The following SLC25A21 variants were observed in gnomAD, a reference collection of about 807,000 sequenced individuals.
SLC25A21 encodes mitochondrial 2-oxodicarboxylate carrier.
SLC25A21 carries 47 observed loss-of-function variants against 43.8 expected under a neutral mutation model. That is an observed-to-expected ratio of 1.07 (90% confidence interval 0.85 to 1.37). The LOEUF (loss-of-function observed/expected upper bound fraction) is 1.37, where lower values mean the gene tolerates loss of function less well. Among genes scored for constraint, SLC25A21 ranks in the 40% most tolerant of loss-of-function variants. The pLI is 0.00. For synonymous variants in SLC25A21, 131 were observed against 121.3 expected (o/e 1.08, Z -0.52); for missense variants, 352 against 350.2 (o/e 1.00, Z -0.04).
Position 36,678,237 on chromosome 14 carries a change from C to T in SLC25A21, c.*2421G>A. Reference sequence around the variant, plus strand: ...GGCTAGATTAGTTAGGTTTTCAAATCACTAGGATGTAAACAGTAAGCAGAT... The same window carrying T: ...GGCTAGATTAGTTAGGTTTTCAAATTACTAGGATGTAAACAGTAAGCAGAT... On this transcript the variant is annotated 3_prime_UTR_variant, in exon 10 of 10. Transcript: ENST00000331299. 1 of 529,748 alleles carries T rather than the reference C, an allele frequency of 1.9e-6. No individual in the cohort carries two copies. Among genetic ancestry groups the T allele is most frequent in the Non-Finnish European group, 3.4e-6 (1 of 296,662 alleles). 32.8% of individuals were successfully genotyped at this position (529,748 alleles called of 1,614,324 possible). A position where few individuals can be genotyped will look rare whatever the true frequency, so the allele number is the denominator to read the frequency against.
intron 1 of SLC25A21, among the ~76,000 whole-genome samples, chr14:36,934,069 T>A (rs969262801): frequency 6.6e-6 from 1 of 152,102 alleles, no homozygotes; most frequent in Non-Finnish European, 1.5e-5. Context: ...TAGAAAAAAA[T>A]ATCAAAATTT....
chr14:36,815,010 T>A (rs1315102004), intron 2 of SLC25A21, among the ~76,000 whole-genome samples: 1 of 152,196 alleles, frequency 6.6e-6, no homozygotes, highest in Non-Finnish European at 1.5e-5. Context: ...TGAGTTCACG[T>A]CCTTTGCAGG....
chr14:36,929,128 A>G (rs560354306), intron 1 of SLC25A21, among the ~76,000 whole-genome samples: 42 of 152,238 alleles, frequency 2.8e-4, no homozygotes, highest in African/African-American at 9.9e-4. Context: ...ACCATGTAAG[A>G]CCTCCATAAA....
intron 6 of SLC25A21, among the ~76,000 whole-genome samples, chr14:36,723,055 A>G (rs1273261719): frequency 1.3e-5 from 2 of 152,238 alleles, no homozygotes; most frequent in African/African-American, 4.8e-5. Flanking sequence ...GCACAGGTTA[A>G]CTAAAGGTTA....
intron 1 of SLC25A21, among the ~76,000 whole-genome samples, chr14:37,121,931 T>C (rs552356792): frequency 2.4e-4 from 37 of 151,606 alleles, no homozygotes; most frequent in African/African-American, 8.5e-4. Context: ...GAGTCCTTCA[T>C]CAAGTGTCCC....
chr14:36,786,943 T>C (rs1887274716), intron 3 of SLC25A21, among the ~76,000 whole-genome samples: 3 of 152,302 alleles, frequency 2.0e-5, no homozygotes, highest in Middle Eastern at 6.8e-3. Flanking sequence ...CTGGCAATTA[T>C]GAGCCTGTGG....
chr14:37,097,378 A>G (rs1328865683), intron 1 of SLC25A21, among the ~76,000 whole-genome samples: 3 of 152,078 alleles, frequency 2.0e-5, no homozygotes, highest in African/African-American at 7.2e-5. Flanking sequence ...TGGGATTACA[A>G]TGTGAGCCAC....
At position 36,680,391 on chromosome 14, in the gene SLC25A21, T is replaced by C; in HGVS notation, c.*267A>G. ...GTTTCTATTTATTTTATGAAATAAATATATGATTTCTATGCTATTTTTCTA... is the reference window on the plus strand; with the variant it reads ...GTTTCTATTTATTTTATGAAATAAACATATGATTTCTATGCTATTTTTCTA... On this transcript the variant is annotated 3_prime_UTR_variant, in exon 10 of 10. Coordinates refer to ENST00000331299, the MANE Select transcript of SLC25A21 (RefSeq NM_030631.4). The C allele has an allele frequency of 9.3e-7, 1 of 1,078,314 alleles. No individual in the cohort carries two copies. The highest frequency in any genetic ancestry group is 1.1e-6 in the Non-Finnish European group (1 of 884,526). 66.8% of individuals were successfully genotyped at this position (1,078,314 alleles called of 1,614,324 possible).
chr14:37,118,921 G>C lies in SLC25A21; in HGVS notation c.70+53360C>G, dbSNP rs531876273. Among the ~76,000 whole-genome samples the C allele has an allele frequency of 2.0e-5, 3 of 152,064 alleles. No homozygotes were observed. The South Asian group carries it at 6.2e-4, about 32-fold the overall frequency. On this transcript the variant is annotated intron_variant, in intron 1 of 9. Coordinates refer to ENST00000331299, the MANE Select transcript of SLC25A21 (RefSeq NM_030631.4). ...ATTCCCAGGAGGTTAGGCATTCTAA[G>C]TCACAGGATGAGATACAAGCTTAGC...
chr14:36,810,890 G>A (rs1470722281), intron 3 of SLC25A21, among the ~76,000 whole-genome samples: 1 of 94,702 alleles, frequency 1.1e-5, no homozygotes, highest in Non-Finnish European at 2.5e-5. Flanking sequence ...GAAAAGAGTG[G>A]GGGAAATAAT....
intron 2 of SLC25A21, among the ~76,000 whole-genome samples, chr14:36,846,149 C>G (rs1298465079): frequency 2.0e-5 from 3 of 152,122 alleles, no homozygotes. Flanking sequence ...ACTTAGTGAA[C>G]TTTCTAGAAG....
chr14:37,012,885 T>C (rs999382774), intron 1 of SLC25A21, among the ~76,000 whole-genome samples: 3 of 152,154 alleles, frequency 2.0e-5, no homozygotes, highest in African/African-American at 7.2e-5. Context: ...ACTGATTTGA[T>C]CATAAATAGT....
In SLC25A21 at chr14:36,679,783, T is replaced by C. The variant is rs1315609821; in HGVS notation, c.*875A>G. On this transcript the variant is annotated 3_prime_UTR_variant, in exon 10 of 10. Coordinates refer to ENST00000331299, the MANE Select transcript of SLC25A21 (RefSeq NM_030631.4). ...AAAGGTATTTGGATGCAAATACTGA[T>C]GGCTGACAAATGGGTCCAAAGGTGT... The C allele has an allele frequency of 5.1e-6, 5 of 985,200 alleles. No individual in the cohort carries two copies. Among genetic ancestry groups the C allele is most frequent in the Middle Eastern group, 5.2e-4 (1 of 1,936 alleles). The allele number at this position is 985,200 out of a possible 1,614,324, so 61.0% of individuals were successfully genotyped here.
rs529152368 is a variant in SLC25A21, at chr14:36,695,519, G to A, written c.604-10594C>T. On this transcript the variant is annotated intron_variant, in intron 7 of 9. Transcript: ENST00000331299. ...CTTTGGGCAGTATGGCCATTTTCAC[G>A]ATATTGATTCTTCCTATCCATGAGC... Among the ~76,000 whole-genome samples the A allele has an allele frequency of 2.3e-3, 353 of 152,234 alleles. 3 individuals carry two copies. The highest frequency in any genetic ancestry group is 7.9e-3 in the African/African-American group (329 of 41,522).
At chr14:36,903,376 C>G (rs561829010) in intron 1 of SLC25A21, among the ~76,000 whole-genome samples, 1 of 151,952 alleles carries the variant, frequency 6.6e-6, no homozygotes, top group Admixed American at 6.6e-5. Flanking sequence ...CTTTGGGAGG[C>G]CAAGGTGGGT....
At chr14:37,032,624 T>A (rs1015618278) in intron 1 of SLC25A21, among the ~76,000 whole-genome samples, 7 of 138,854 alleles carry the variant, frequency 5.0e-5, no homozygotes, top group Non-Finnish European at 7.5e-5. Flanking sequence ...TGAGCCAAGA[T>A]CATGCCAGTG....
At chr14:36,879,424 C>G (rs1890642890) in intron 1 of SLC25A21, among the ~76,000 whole-genome samples, 1 of 152,006 alleles carries the variant, frequency 6.6e-6, no homozygotes, top group Non-Finnish European at 1.5e-5. Context: ...ATTAGAAAAG[C>G]CCCAAAGCAG....
At chr14:36,684,165 T>G (rs1882422010) in intron 8 of SLC25A21, among the ~76,000 whole-genome samples, 1 of 152,194 alleles carries the variant, frequency 6.6e-6, no homozygotes, top group Non-Finnish European at 1.5e-5. Context: ...TCAAGACAGC[T>G]GTGTATATGG....
chr14:36,792,206 G>A (rs848098), intron 3 of SLC25A21, among the ~76,000 whole-genome samples: 3 of 151,906 alleles, frequency 2.0e-5, no homozygotes, highest in Non-Finnish European at 4.4e-5. Context: ...TGTGTCCCAC[G>A]CTAGTCCTAA....
Sources: gnomAD v4.1 joint callset for allele counts (sites outside exome capture counted in the v4.1 genomes callset) on GRCh38, gnomAD v4.1.1 for gene constraint, MANE v1.5 for transcripts, NCBI Gene and HGNC (gene_info 2026-07-23, HGNC 2026-07-21) for gene names.